The following ATP11B variants were observed in gnomAD, a reference collection of about 807,000 sequenced individuals.
The protein encoded by ATP11B is ATPase phospholipid transporting 11B (putative), also known as phospholipid-transporting ATPase IF.
ATP11B carries 81 observed loss-of-function variants against 157.8 expected under a neutral mutation model. The ratio of observed to expected loss-of-function variants is 0.51; its 90% CI spans 0.43 to 0.62. The LOEUF (loss-of-function observed/expected upper bound fraction) is 0.62. Ranked by LOEUF, ATP11B falls within the 20% of genes least tolerant of loss-of-function variation. The probability of loss-of-function intolerance (pLI) is 0.00; values close to 1 mark genes in which losing one functional copy is unlikely to be tolerated. For missense variants in ATP11B, 1,165 were observed against 1,402.2 expected (o/e 0.83, Z 2.70); for synonymous variants, 451 against 469.4 (o/e 0.96, Z 0.51).
chr3:182,824,231 A>G (rs1038282916), intron 2 of ATP11B, among the ~76,000 whole-genome samples: 2 of 152,172 alleles, frequency 1.3e-5, no homozygotes, highest in Admixed American at 1.3e-4. Flanking sequence ...TTTTGAATAT[A>G]AGCCATTTTC....
chr3:182,918,072 ACTCT>A lies in ATP11B; in HGVS notation c.3506_3509del (p.Leu1169ProfsTer113). 1.2e-6 allele frequency: 2 copies of A among 1,613,140 alleles called. No individual in the cohort carries two copies. Among genetic ancestry groups the A allele is most frequent in the Non-Finnish European group, 1.7e-6 (2 of 1,179,440 alleles). On this transcript the variant is annotated frameshift_variant, in exon 30 of 30. Coordinates refer to ENST00000323116, the MANE Select transcript of ATP11B (RefSeq NM_014616.3). LOFTEE classifies it high-confidence loss of function. ...CTATACCAACGACAGGAGCATCTTG[ACTCT>A]CTCCACAATGGACTCATCTACTTGT...
At chr3:182,805,326 G>C (rs1246066667) in intron 1 of ATP11B, among the ~76,000 whole-genome samples, 5 of 152,068 alleles carry the variant, frequency 3.3e-5, no homozygotes, top group Admixed American at 3.3e-4. Context: ...ATCCTAGTGG[G>C]TATGAATAGT....
chr3:182,861,189 C>G (rs1720807408), intron 12 of ATP11B, among the ~76,000 whole-genome samples: 2 of 151,790 alleles, frequency 1.3e-5, no homozygotes, highest in Non-Finnish European at 2.9e-5. Context: ...CCTCAGCCTC[C>G]CGAGTAGCTG....
At chr3:182,904,323 A>G (rs1724177389) in intron 28 of ATP11B, among the ~76,000 whole-genome samples, 1 of 152,240 alleles carries the variant, frequency 6.6e-6, no homozygotes, top group Admixed American at 6.5e-5. Context: ...ACTAAAAGCC[A>G]GGCTGAGAAA....
In ATP11B at chr3:182,866,007, C is replaced by G. The variant is rs770021214; in HGVS notation, c.1444-261C>G. On this transcript the variant is annotated intron_variant, in intron 13 of 29. Coordinates refer to ENST00000323116, the MANE Select transcript of ATP11B (RefSeq NM_014616.3). Reference sequence around the variant, plus strand: ...AAATAGAGCTTAAATTTATTTAATACTTTTTGAGACCTCACTTCTTCTATA... The same window carrying G: ...AAATAGAGCTTAAATTTATTTAATAGTTTTTGAGACCTCACTTCTTCTATA... 3.3e-5 allele frequency among the ~76,000 whole-genome samples: 5 copies of G among 152,208 alleles called. 1 individual carries two copies. The Middle Eastern group carries it at 0.01, about 311-fold the overall frequency.
chr3:182,820,220 T>A, intron 1 of ATP11B, 40 bp from the exon 2 acceptor site: 1 of 1,298,468 alleles, frequency 7.7e-7, no homozygotes, highest in Non-Finnish European at 1.1e-6. Context: ...ACTAACCTGG[T>A]TGACTAGTAT....
intron 1 of ATP11B, among the ~76,000 whole-genome samples, chr3:182,814,479 G>A (rs1381347725): frequency 1.3e-5 from 2 of 152,128 alleles, no homozygotes; most frequent in Admixed American, 6.5e-5. Context: ...GAATTAATTT[G>A]TGTCAGACAT....
At chr3:182,815,066 AT>A (rs1482196383) in intron 1 of ATP11B, among the ~76,000 whole-genome samples, 1 of 152,076 alleles carries the variant, frequency 6.6e-6, no homozygotes, top group Non-Finnish European at 1.5e-5. Flanking sequence ...TTGGCAAATG[AT>A]TTGAGAATTT....
At chr3:182,831,287 T>C (rs1018214822) in intron 4 of ATP11B, among the ~76,000 whole-genome samples, 1 of 152,178 alleles carries the variant, frequency 6.6e-6, no homozygotes, top group African/African-American at 2.4e-5. Flanking sequence ...ACTGTTCTGT[T>C]TTATCCCTAC....
chr3:182,827,572 C>T (rs1367359715), intron 2 of ATP11B, among the ~76,000 whole-genome samples: 3 of 151,682 alleles, frequency 2.0e-5, no homozygotes, highest in Non-Finnish European at 4.4e-5. Context: ...GACAGATTTT[C>T]GTATCCTTTA....
At chr3:182,888,699 T>TTTTA (rs557212368) in intron 24 of ATP11B, among the ~76,000 whole-genome samples, 3,313 of 151,208 alleles carry the variant, frequency 0.022, 109 homozygotes, top group African/African-American at 0.073. Flanking sequence ...TTTTTAAACT[T>TTTTA]TTTATTTATT....
intron 12 of ATP11B, among the ~76,000 whole-genome samples, 191 bp downstream of exon 12, chr3:182,859,550 T>C (rs1272296610): frequency 6.6e-6 from 1 of 152,172 alleles, no homozygotes; most frequent in Non-Finnish European, 1.5e-5. Context: ...TATTTCTATT[T>C]GATATTCTTT....
chr3:182,803,613 T>C (rs1407968809), intron 1 of ATP11B, among the ~76,000 whole-genome samples: 2 of 152,254 alleles, frequency 1.3e-5, no homozygotes, highest in African/African-American at 4.8e-5. Context: ...TTCTTCAAAT[T>C]GTTTTAAAAT....
chr3:182,835,909 C>T (rs1718512890), intron 4 of ATP11B, 126 bp from the exon 5 acceptor site: 1 of 631,440 alleles, frequency 1.6e-6, no homozygotes, highest in African/African-American at 1.9e-5. Flanking sequence ...GCATGTGCAT[C>T]CAAATAGCCT....
chr3:182,839,565 C>T (rs992883213), intron 7 of ATP11B, among the ~76,000 whole-genome samples: 2 of 147,644 alleles, frequency 1.4e-5, no homozygotes, highest in Non-Finnish European at 3.0e-5. Flanking sequence ...AGGATTTCTA[C>T]TGATTTTTAA....
In ATP11B at chr3:182,896,751, A is replaced by G. The variant is rs765707902; in HGVS notation, c.3034A>G (p.Thr1012Ala). ...TTTGGTCTTCACAGTCATGGTTATTACAGTCACAGTAAAGGTATGGTACTG... is the reference window on the plus strand; with the variant it reads ...TTTGGTCTTCACAGTCATGGTTATTGCAGTCACAGTAAAGGTATGGTACTG... ...GTLVFTVMVITVTVKMALETH... is the reference protein window; with the variant it reads ...GTLVFTVMVIAVTVKMALETH... Residue 1012 changes from threonine to alanine, a missense_variant, in exon 26 of 30, where the codon ACA (threonine) becomes GCA (alanine). Transcript: ENST00000323116. 6.2e-7 allele frequency: 1 copy of G among 1,612,936 alleles called. No individual in the cohort carries two copies. Among genetic ancestry groups the G allele is most frequent in the East Asian group, 2.2e-5 (1 of 44,764 alleles).
At chr3:182,853,509 A>G (rs1577024675) in intron 10 of ATP11B, among the ~76,000 whole-genome samples, 1 of 152,202 alleles carries the variant, frequency 6.6e-6, no homozygotes. Context: ...TCATTTTTAT[A>G]TCTTATAATA....
intron 28 of ATP11B, among the ~76,000 whole-genome samples, chr3:182,912,733 T>C (rs1358058457): frequency 6.6e-6 from 1 of 152,196 alleles, no homozygotes; most frequent in Non-Finnish European, 1.5e-5. Context: ...CGTCCGTCTC[T>C]TCTGTTCATT....
At chr3:182,909,870 CCT>C (rs1205504999) in intron 28 of ATP11B, among the ~76,000 whole-genome samples, 1 of 151,868 alleles carries the variant, frequency 6.6e-6, no homozygotes, top group Non-Finnish European at 1.5e-5. Context: ...TTGAGACCAG[CCT>C]GGGCAACATG....
Sources: gnomAD v4.1 joint callset for allele counts (sites outside exome capture counted in the v4.1 genomes callset) on GRCh38, gnomAD v4.1.1 for gene constraint, MANE v1.5 for transcripts, NCBI Gene and HGNC (gene_info 2026-07-23, HGNC 2026-07-21) for gene names.